The following TRMT2B variants were observed in gnomAD, a reference collection of about 807,000 sequenced individuals.
The protein encoded by TRMT2B is tRNA methyltransferase 2B.
In TRMT2B, 34 loss-of-function variants were observed where a neutral mutation model predicts 39.7. The ratio of observed to expected loss-of-function variants is 0.86; its 90% CI spans 0.65 to 1.14. The LOEUF (loss-of-function observed/expected upper bound fraction) is 1.14, where lower values mean the gene tolerates loss of function less well. Ranked by LOEUF, TRMT2B falls within the 50% of genes most tolerant of loss-of-function variation. TRMT2B has a pLI of 0.00. For missense variants in TRMT2B, 318 were observed against 377.2 expected, an observed-to-expected ratio of 0.84 and a Z score of 1.30; for synonymous variants, 132 against 137.3, an observed-to-expected ratio of 0.96 and a Z score of 0.27.
intron 8 of TRMT2B, among the ~76,000 whole-genome samples, chrX:101,023,026 C>T (rs182750029): frequency 1.4e-3 from 159 of 112,107 alleles, no homozygotes; most frequent in Admixed American, 4.4e-3. Context: ...TTTCCTCCTG[C>T]CTACTTTACA....
At position 101,019,066 on chromosome X, in the gene TRMT2B, G is replaced by GT; in HGVS notation, c.1292dup (p.Tyr431Ter). The change falls in exon 13 of 14, where the codon TAC (tyrosine) becomes TAAC (stop). Residue 431 changes from tyrosine to a stop codon, truncating the protein, a stop_gained and frameshift_variant. Transcript: ENST00000372936. LOFTEE classifies it high-confidence loss of function. The stretch of plus-strand genomic sequence containing the variant: ...AGTTTCGAATGGCTTGAATCACCTT[G>GT]TAATCTGAAGGAAGAAACACCTTGC... ...VVNPARAGLH[Y>*]KVIQAIRNFR... 1 of 1,190,641 alleles carries GT rather than the reference G, an allele frequency of 8.4e-7. No homozygotes were observed. The highest frequency in any genetic ancestry group is 1.1e-6 in the Non-Finnish European group (1 of 876,538).
At chrX:100,979,650 T>C in the TRMT2B span, among the ~76,000 whole-genome samples, 1 of 111,587 alleles carries the variant, frequency 9.0e-6, no homozygotes, top group African/African-American at 3.3e-5. Context: ...TCCTGGATGG[T>C]CTTGATGTTT....
chrX:101,005,111 G>C (rs1411384278), downstream of TRMT2B, among the ~76,000 whole-genome samples: 2 of 111,447 alleles, frequency 1.8e-5, no homozygotes, highest in Non-Finnish European at 3.8e-5. Context: ...AGACTAAAGA[G>C]GCCATACACG....
Position 101,038,070 on chromosome X carries a change from T to C in TRMT2B, c.304-19A>G. On this transcript the variant is annotated intron_variant, in intron 4 of 13. Transcript: ENST00000372936. ...ATTTCACCTGCAAAAGAATATAAGC[T>C]ATGAAACGAAATACTGGCTGGGCAC... 8.3e-7 allele frequency: 1 copy of C among 1,206,001 alleles called. No individual in the cohort carries two copies. Among genetic ancestry groups the C allele is most frequent in the Non-Finnish European group, 1.1e-6 (1 of 892,167 alleles).
intron 7 of TRMT2B, among the ~76,000 whole-genome samples, chrX:101,031,944 C>G: frequency 9.0e-6 from 1 of 110,683 alleles, no homozygotes; most frequent in Non-Finnish European, 1.9e-5. Context: ...CGGAAGATAA[C>G]AGAAGCAATC....
the TRMT2B span, among the ~76,000 whole-genome samples, chrX:100,983,292 C>CA: frequency 9.2e-6 from 1 of 108,612 alleles, no homozygotes; most frequent in South Asian, 3.9e-4. Flanking sequence ...TCTGACAGGG[C>CA]AAAAAAAATA....
intron 13 of TRMT2B, chrX:101,015,698 T>TCTCTCTCTGTCGCCCAGGCTGGAGTGCA: frequency 1.7e-6 from 1 of 573,230 alleles, no homozygotes; most frequent in Non-Finnish European, 2.1e-6. Context: ...TTCCAGTTTG[T>TCTCTCTCTGTCGCCCAGGCTGGAGTGCA]ATGCTGTCTC....
intron 2 of TRMT2B, among the ~76,000 whole-genome samples, chrX:101,045,395 G>A (rs865985063): frequency 2.5e-4 from 25 of 101,222 alleles, no homozygotes. Context: ...CGGAGGTTGC[G>A]GTGAGCCGAG....
At chrX:100,984,317 T>C in the TRMT2B span, among the ~76,000 whole-genome samples, 14 of 109,903 alleles carry the variant, frequency 1.3e-4, no homozygotes, top group Non-Finnish European at 2.7e-4. Flanking sequence ...TTTTGTATTT[T>C]TAGTAAAGAT....
the TRMT2B span, among the ~76,000 whole-genome samples, chrX:100,991,440 G>A: frequency 2.7e-5 from 3 of 110,884 alleles, no homozygotes; most frequent in African/African-American, 6.6e-5. Context: ...GTGCAGCGGC[G>A]TGATCTCGAC....
intron 7 of TRMT2B, among the ~76,000 whole-genome samples, chrX:101,029,392 C>G (rs1173205594): frequency 9.0e-6 from 1 of 110,742 alleles, no homozygotes; most frequent in Non-Finnish European, 1.9e-5. Context: ...AAGAACAGAG[C>G]AAGATTCTTT....
chrX:100,989,460 A>G, the TRMT2B span, among the ~76,000 whole-genome samples: 1 of 110,161 alleles, frequency 9.1e-6, no homozygotes, highest in Admixed American at 9.7e-5. Context: ...AAATACAAAA[A>G]TTAGTCGGGC....
chrX:100,985,217 G>T, the TRMT2B span, among the ~76,000 whole-genome samples: 1 of 112,062 alleles, frequency 8.9e-6, no homozygotes, highest in African/African-American at 3.2e-5. Context: ...AGAAGTAAGG[G>T]CAAAGGAGCC....
chrX:100,974,144 T>C, the TRMT2B span: 5 of 1,191,863 alleles, frequency 4.2e-6, no homozygotes, highest in Non-Finnish European at 5.7e-6. Flanking sequence ...ACCATCCCTA[T>C]CATTGGCTTG....
chrX:100,976,596 TTTG>T, the TRMT2B span, among the ~76,000 whole-genome samples: 1 of 111,861 alleles, frequency 8.9e-6, no homozygotes, highest in Non-Finnish European at 1.9e-5. Flanking sequence ...TGCAAATGTT[TTTG>T]TTGTTGTTGT....
the TRMT2B span, among the ~76,000 whole-genome samples, chrX:100,996,894 G>C: frequency 3.6e-5 from 4 of 111,814 alleles, no homozygotes; most frequent in Non-Finnish European, 7.5e-5. Context: ...CTGGGCAACA[G>C]AGTGAGACGC....
the TRMT2B span, chrX:100,973,886 G>T: frequency 1.5e-6 from 1 of 688,093 alleles, no homozygotes. Flanking sequence ...ATTGGGGGCA[G>T]GGTTGAGGAG....
chrX:101,011,033 C>A (rs2147990705), intron 13 of TRMT2B, among the ~76,000 whole-genome samples: 1 of 111,762 alleles, frequency 8.9e-6, no homozygotes, highest in Admixed American at 9.6e-5. Context: ...GATACATAAC[C>A]ACCAAACTGT....
At chrX:100,978,401 A>G in the TRMT2B span, among the ~76,000 whole-genome samples, 3 of 111,622 alleles carry the variant, frequency 2.7e-5, no homozygotes, top group Non-Finnish European at 5.6e-5. Flanking sequence ...TGTTGGGTGC[A>G]TATATAATTG....
Sources: gnomAD v4.1 joint callset for allele counts (sites outside exome capture counted in the v4.1 genomes callset) on GRCh38, gnomAD v4.1.1 for gene constraint, MANE v1.5 for transcripts, NCBI Gene and HGNC (gene_info 2026-07-23, HGNC 2026-07-21) for gene names.